The following PKN2 variants were observed in gnomAD, a reference collection of about 807,000 sequenced individuals.
PKN2 encodes serine/threonine-protein kinase N2.
PKN2 carries 38 observed loss-of-function variants against 119.1 expected under a neutral mutation model. That is an observed-to-expected ratio of 0.32 (90% confidence interval 0.25 to 0.42). PKN2 has a LOEUF of 0.42. PKN2 is among the 10% of genes least tolerant of loss of function. The pLI is 1.00. For missense variants in PKN2, 850 were observed against 1,165.1 expected (o/e 0.73, Z 3.94); for synonymous variants, 390 against 384.9 (o/e 1.01, Z -0.15).
chr1:88,744,288 A>ATG (rs1237032755), intron 2 of PKN2, among the ~76,000 whole-genome samples: 2 of 152,156 alleles, frequency 1.3e-5, no homozygotes, highest in Admixed American at 6.5e-5. Flanking sequence ...TTTATAACAG[A>ATG]AGTGTTTGAC....
chr1:88,812,413 C>A (rs11799901), intron 15 of PKN2, among the ~76,000 whole-genome samples: 1 of 152,006 alleles, frequency 6.6e-6, no homozygotes, highest in Non-Finnish European at 1.5e-5. Flanking sequence ...ATAAATTCAC[C>A]CATAATGAAT....
intron 3 of PKN2, among the ~76,000 whole-genome samples, chr1:88,768,246 C>T (rs1247225110): frequency 1.3e-5 from 2 of 152,190 alleles, no homozygotes; most frequent in Non-Finnish European, 2.9e-5. Flanking sequence ...AATTTAGTGG[C>T]ATAAAACAAC....
At chr1:88,693,002 A>G (rs1306488404) in intron 1 of PKN2, among the ~76,000 whole-genome samples, 1 of 152,236 alleles carries the variant, frequency 6.6e-6, no homozygotes, top group Non-Finnish European at 1.5e-5. Flanking sequence ...AGGAAGTTGT[A>G]TAAAATATTG....
At chr1:88,744,738 T>A (rs1668705655) in intron 2 of PKN2, among the ~76,000 whole-genome samples, 1 of 152,200 alleles carries the variant, frequency 6.6e-6, no homozygotes, top group Admixed American at 6.5e-5. Context: ...TGTTCTTAAT[T>A]CACCTCTGTA....
At chr1:88,759,442 G>T (rs114006438) in intron 2 of PKN2, among the ~76,000 whole-genome samples, 2,886 of 152,262 alleles carry the variant, frequency 0.019, 91 homozygotes, top group African/African-American at 0.065. Context: ...GACCAGTGAT[G>T]TTGAGCTTTT....
chr1:88,788,765 A>C (rs1670688284), intron 8 of PKN2, among the ~76,000 whole-genome samples: 1 of 152,046 alleles, frequency 6.6e-6, no homozygotes, highest in South Asian at 2.1e-4. Context: ...TTCTTAATGA[A>C]GTCTACTTAC....
intron 6 of PKN2, among the ~76,000 whole-genome samples, chr1:88,773,476 T>C (rs887199053): frequency 6.6e-6 from 1 of 152,204 alleles, no homozygotes; most frequent in African/African-American, 2.4e-5. Context: ...TCTGTATTTT[T>C]AGTAGAGACA....
At chr1:88,788,792 T>G (rs1018922979) in intron 8 of PKN2, among the ~76,000 whole-genome samples, 5 of 152,162 alleles carry the variant, frequency 3.3e-5, no homozygotes, top group African/African-American at 1.2e-4. Flanking sequence ...CTCTGTGTTC[T>G]TTCTATTCTG....
intron 18 of PKN2, among the ~76,000 whole-genome samples, chr1:88,825,858 C>G (rs1672479850): frequency 6.6e-6 from 1 of 152,196 alleles, no homozygotes; most frequent in African/African-American, 2.4e-5. Context: ...GCCTTCCTCT[C>G]TGGCCACATC....
rs756534341 is a variant in PKN2, at chr1:88,771,872, A to G, written c.978A>G (p.Ala326=). Residue 326 remains alanine, a synonymous_variant, in exon 6 of 22, where the codon GCA becomes GCG. Coordinates refer to ENST00000370521, the MANE Select transcript of PKN2 (RefSeq NM_006256.4). ...NQYSTLSKPA[A]LTGTLEVRLM... is the part of the protein sequence containing the mutation. The stretch of plus-strand genomic sequence containing the variant: ...ATAGTACACTATCCAAACCAGCAGC[A>G]CTAACAGGTATGTAGTGTATAGCCA... 6.2e-7 allele frequency: 1 copy of G among 1,607,674 alleles called. No individual in the cohort carries two copies.
Position 88,832,859 on chromosome 1 carries a change from T to A in PKN2, c.2670+8T>A. Reference sequence around the variant, plus strand: ...ATTTCTATAATGAGAAGGGTAAGAATTAAAATAAGGATAAGAATTTTTTAA... The same window carrying A: ...ATTTCTATAATGAGAAGGGTAAGAAATAAAATAAGGATAAGAATTTTTTAA... On this transcript the variant is annotated splice_region_variant and intron_variant, in intron 20 of 21. Transcript: ENST00000370521. 6.9e-7 allele frequency: 1 copy of A among 1,453,682 alleles called. No individual in the cohort carries two copies. The allele number at this position is 1,453,682 out of a possible 1,614,324, so 90.0% of individuals were successfully genotyped here.
At chr1:88,748,195 A>C (rs1668845500) in intron 2 of PKN2, among the ~76,000 whole-genome samples, 1 of 152,218 alleles carries the variant, frequency 6.6e-6, no homozygotes, top group Non-Finnish European at 1.5e-5. Flanking sequence ...CCACATTCAG[A>C]AAAAGGAATA....
intron 8 of PKN2, among the ~76,000 whole-genome samples, chr1:88,801,006 T>C (rs1671284407): frequency 6.6e-6 from 1 of 152,204 alleles, no homozygotes; most frequent in African/African-American, 2.4e-5. Flanking sequence ...TGAAATTATC[T>C]AACAGCATGC....
In PKN2 at chr1:88,833,457, A is replaced by G; in HGVS notation, c.*9A>G. 6.2e-7 allele frequency: 1 copy of G among 1,608,586 alleles called. No homozygotes were observed. The highest frequency in any genetic ancestry group is 8.5e-7 in the Non-Finnish European group (1 of 1,175,410). ...TTGCTGATTGGTGTTAAGTTGCTAGACACTGCGAAACCAAGCTGACTCACA... is the reference window on the plus strand; with the variant it reads ...TTGCTGATTGGTGTTAAGTTGCTAGGCACTGCGAAACCAAGCTGACTCACA... On this transcript the variant is annotated 3_prime_UTR_variant, in exon 22 of 22. Coordinates refer to ENST00000370521, the MANE Select transcript of PKN2 (RefSeq NM_006256.4).
At chr1:88,689,974 T>C (rs1449125255) in intron 1 of PKN2, among the ~76,000 whole-genome samples, 1 of 152,258 alleles carries the variant, frequency 6.6e-6, no homozygotes, top group African/African-American at 2.4e-5. Flanking sequence ...CATACTTTGC[T>C]GAATTAAACA....
At chr1:88,797,361 C>T (rs899272388) in intron 8 of PKN2, among the ~76,000 whole-genome samples, 1 of 150,354 alleles carries the variant, frequency 6.7e-6, no homozygotes, top group East Asian at 2.0e-4. Context: ...AAGAAAATGT[C>T]TTCCAGGTGC....
At chr1:88,742,828 C>A (rs922981077) in intron 2 of PKN2, among the ~76,000 whole-genome samples, 1 of 151,906 alleles carries the variant, frequency 6.6e-6, no homozygotes, top group South Asian at 2.1e-4. Context: ...CCTTGTGATT[C>A]GCTGGGATAT....
At chr1:88,725,536 C>T (rs1235805071) in intron 1 of PKN2, among the ~76,000 whole-genome samples, 2 of 151,978 alleles carry the variant, frequency 1.3e-5, no homozygotes, top group African/African-American at 4.8e-5. Context: ...GCTTGTTTGC[C>T]GTTATATATC....
intron 8 of PKN2, among the ~76,000 whole-genome samples, chr1:88,788,453 C>A (rs59870961): frequency 2.8e-5 from 4 of 145,026 alleles, no homozygotes; most frequent in African/African-American, 1.0e-4. Context: ...TTTTTTTTTT[C>A]TTCTTTCTTG....
Sources: allele counts gnomAD v4.1 joint callset (sites outside exome capture counted in the v4.1 genomes callset), GRCh38; gene constraint gnomAD v4.1.1; transcripts MANE v1.5; gene names NCBI Gene and HGNC (gene_info 2026-07-23, HGNC 2026-07-21).